Variants in TXNDC11 observed in about 807,000 individuals in gnomAD.
The protein encoded by TXNDC11 is thioredoxin domain-containing protein 11.
In TXNDC11, 68 loss-of-function variants were observed where a neutral mutation model predicts 78.0. That is an observed-to-expected ratio of 0.87 (90% CI 0.72 to 1.07). The LOEUF is 1.07. Ranked by LOEUF, TXNDC11 falls within the 50% of genes least tolerant of loss-of-function variation. TXNDC11 has a pLI of 0.00. For synonymous variants in TXNDC11, 571 were observed against 495.2 expected (o/e 1.15, Z -2.03); for missense variants, 1,389 against 1,221.8 (o/e 1.14, Z -2.04).
intron 10 of TXNDC11, among the ~76,000 whole-genome samples, chr16:11,687,042 C>T (rs2050584426): frequency 6.6e-6 from 1 of 152,210 alleles, no homozygotes; most frequent in Non-Finnish European, 1.5e-5. Flanking sequence ...TTATTACTTA[C>T]AGTGCATATA....
chr16:11,725,478 A>G (rs191523953), intron 4 of TXNDC11, among the ~76,000 whole-genome samples: 46 of 152,360 alleles, frequency 3.0e-4, no homozygotes, highest in African/African-American at 1.1e-3. Flanking sequence ...ACCCCTGGGT[A>G]GATACTGAAG....
At chr16:11,691,068 G>A (rs763875277) in intron 8 of TXNDC11, 1 of 557,772 alleles carries the variant, frequency 1.8e-6, no homozygotes, top group Non-Finnish European at 3.1e-6. Flanking sequence ...TGGGCTAAAT[G>A]ACAAACTTAT....
intron 1 of TXNDC11, chr16:11,741,823 A>C (rs3743585): frequency 6.6e-6 from 1 of 151,888 alleles, no homozygotes; most frequent in Non-Finnish European, 1.5e-5. Context: ...ACGTGAGGTC[A>C]GGAGTTCGAG....
At chr16:11,698,092 C>T (rs760283206) in intron 7 of TXNDC11, 33 bp downstream of exon 7, 3 of 1,607,636 alleles carry the variant, frequency 1.9e-6, no homozygotes, top group African/African-American at 2.7e-5. Context: ...TTTCCTACTC[C>T]TCATGAGGTG....
In TXNDC11 at chr16:11,734,047, G is replaced by A. The variant is rs747799653; in HGVS notation, c.504C>T (p.Asn168=). The A allele has an allele frequency of 9.4e-6, 15 of 1,603,240 alleles. No homozygotes were observed. In the South Asian group the frequency reaches 1.7e-4, roughly 18 times the overall value. ...VLFVAINCWW[N]QGKCRKQKHF... ...GTTTCTGTTTTCTGCATTTCCCCTG[G>A]TTCCACCAACAGTTAATTGCCACAA... Residue 168 remains asparagine, a synonymous_variant, in exon 3 of 12, where the codon AAC becomes AAT. Coordinates refer to ENST00000283033, the MANE Select transcript of TXNDC11 (RefSeq NM_015914.7).
chr16:11,699,973 C>G (rs1197067434), intron 6 of TXNDC11, among the ~76,000 whole-genome samples: 1 of 152,198 alleles, frequency 6.6e-6, no homozygotes, highest in Non-Finnish European at 1.5e-5. Context: ...AACTGACGCT[C>G]TCTGGGATGA....
intron 10 of TXNDC11, among the ~76,000 whole-genome samples, chr16:11,685,511 T>C (rs1393506495): frequency 6.6e-6 from 1 of 151,880 alleles, no homozygotes; most frequent in Admixed American, 6.5e-5. Context: ...TAGCTGGGCA[T>C]AATGGCGGGC....
chr16:11,699,060 C>A (rs1256176365), intron 6 of TXNDC11, among the ~76,000 whole-genome samples: 1 of 152,190 alleles, frequency 6.6e-6, no homozygotes, highest in African/African-American at 2.4e-5. Context: ...CAAAGGGGTG[C>A]TTCAGAGGGT....
intron 3 of TXNDC11, among the ~76,000 whole-genome samples, chr16:11,733,052 G>A (rs2052101209): frequency 1.3e-5 from 2 of 152,108 alleles, no homozygotes; most frequent in South Asian, 4.1e-4. Flanking sequence ...GTACAGCCTA[G>A]GTCGAGACCA....
intron 4 of TXNDC11, among the ~76,000 whole-genome samples, chr16:11,723,842 A>G (rs1207479237): frequency 1.3e-5 from 2 of 152,224 alleles, no homozygotes; most frequent in African/African-American, 4.8e-5. Flanking sequence ...GCTGTTAGGA[A>G]TAAATGAATG....
intron 5 of TXNDC11, among the ~76,000 whole-genome samples, chr16:11,713,468 G>A (rs1243835687): frequency 6.6e-6 from 1 of 151,912 alleles, no homozygotes; most frequent in African/African-American, 2.4e-5. Flanking sequence ...CTAGGCTGGA[G>A]TGCAATGGCA....
intron 7 of TXNDC11, among the ~76,000 whole-genome samples, chr16:11,694,931 G>A (rs986232626): frequency 5.9e-5 from 9 of 152,124 alleles, no homozygotes; most frequent in African/African-American, 1.2e-4. Context: ...ATAACTGTTC[G>A]CACAGTAGAT....
intron 8 of TXNDC11, 32 bp downstream of exon 8, chr16:11,691,258 C>T (rs1325401125): frequency 6.4e-7 from 1 of 1,560,128 alleles, no homozygotes; most frequent in Non-Finnish European, 8.7e-7. Flanking sequence ...GCAAAATGTA[C>T]AATGCTTGGG....
At chr16:11,737,953 T>C (rs1298786545) in intron 1 of TXNDC11, among the ~76,000 whole-genome samples, 1 of 150,042 alleles carries the variant, frequency 6.7e-6, no homozygotes, top group East Asian at 1.9e-4. Flanking sequence ...AAACGAGATA[T>C]ATCTTAAATA....
intron 1 of TXNDC11, among the ~76,000 whole-genome samples, 178 bp from the exon 2 acceptor site, chr16:11,736,411 G>A (rs189477364): frequency 7.1e-4 from 108 of 152,306 alleles, no homozygotes; most frequent in Non-Finnish European, 1.0e-4. Flanking sequence ...TGAATAATAC[G>A]TTGGAAACAA....
intron 4 of TXNDC11, among the ~76,000 whole-genome samples, chr16:11,727,040 G>A (rs188005073): frequency 2.0e-3 from 306 of 152,238 alleles, no homozygotes; most frequent in Non-Finnish European, 3.2e-3. Flanking sequence ...GAGACAGAGC[G>A]AGACTCTGTC....
chr16:11,704,005 T>C (rs987434892), intron 5 of TXNDC11, among the ~76,000 whole-genome samples: 2 of 152,188 alleles, frequency 1.3e-5, no homozygotes, highest in East Asian at 1.9e-4. Flanking sequence ...GGCAGCAGAA[T>C]TGCTTGAACC....
Position 11,686,960 on chromosome 16 carries a change from G to A in TXNDC11, c.2153+897C>T, listed in dbSNP as rs369691225. Among the ~76,000 whole-genome samples the A allele has an allele frequency of 2.8e-4, 43 of 152,156 alleles. 1 individual carries two copies. In the East Asian group the frequency reaches 4.2e-3, roughly 15 times the overall value. Reference sequence around the variant, plus strand: ...AACTAGAGTGCCTTCACTAAGCGTCGCAAGGACTCAGTCAGGTAATATGTA... The same window carrying A: ...AACTAGAGTGCCTTCACTAAGCGTCACAAGGACTCAGTCAGGTAATATGTA... On this transcript the variant is annotated intron_variant, in intron 10 of 11. Coordinates refer to ENST00000283033, the MANE Select transcript of TXNDC11 (RefSeq NM_015914.7).
intron 4 of TXNDC11, among the ~76,000 whole-genome samples, chr16:11,723,087 T>C (rs1436591536): frequency 2.0e-5 from 3 of 151,698 alleles, no homozygotes; most frequent in Non-Finnish European, 4.4e-5. Context: ...TAAAACTCTG[T>C]CTCTATTAAA....
Sources: gnomAD v4.1 joint callset for allele counts (sites outside exome capture counted in the v4.1 genomes callset) on GRCh38, gnomAD v4.1.1 for gene constraint, MANE v1.5 for transcripts, NCBI Gene and HGNC (gene_info 2026-07-23, HGNC 2026-07-21) for gene names.